KLHL29: variants seen among roughly 807,000 people sequenced by gnomAD.
KLHL29 encodes the protein kelch-like protein 29.
Under a neutral mutation model 80.4 loss-of-function variants are expected in KLHL29, and 21 were observed. The observed-to-expected ratio is 0.26, with a 90% CI of 0.19 to 0.38. The LOEUF (loss-of-function observed/expected upper bound fraction) is 0.38, where lower values mean the gene tolerates loss of function less well. Among genes scored for constraint, KLHL29 ranks in the 10% least tolerant of loss-of-function variants. KLHL29 has a pLI of 1.00. For missense variants in KLHL29, 867 were observed against 1,223.9 expected (o/e 0.71, Z 4.35); for synonymous variants, 511 against 526.8 (o/e 0.97, Z 0.41).
intron 2 of KLHL29, among the ~76,000 whole-genome samples, chr2:23,478,433 C>G (rs1448748911): frequency 6.6e-6 from 1 of 152,156 alleles, no homozygotes; most frequent in Admixed American, 6.5e-5. Context: ...TCACAGGGTC[C>G]TGTGTAACCT....
At chr2:23,704,414 C>T (rs567033433) in intron 13 of KLHL29, among the ~76,000 whole-genome samples, 9 of 152,318 alleles carry the variant, frequency 5.9e-5, no homozygotes, top group Non-Finnish European at 1.3e-4. Context: ...GGCAGCGAGA[C>T]ACCAGTCCCT....
At chr2:23,672,482 T>G (rs570786706) in intron 5 of KLHL29, 1 of 152,586 alleles carries the variant, frequency 6.6e-6, no homozygotes, top group Non-Finnish European at 1.5e-5. Flanking sequence ...ATGTGTCTGG[T>G]TCTCCACTGG....
At chr2:23,463,669 A>G (rs543981193) in intron 1 of KLHL29, among the ~76,000 whole-genome samples, 2 of 152,314 alleles carry the variant, frequency 1.3e-5, no homozygotes, top group East Asian at 1.9e-4. Context: ...ACTCTGACCA[A>G]CATCCTTCAC....
chr2:23,574,965 G>T (rs1667806582), intron 3 of KLHL29, among the ~76,000 whole-genome samples: 1 of 152,100 alleles, frequency 6.6e-6, no homozygotes. Flanking sequence ...TGGGAGGGTG[G>T]CCCAGCCCCC....
intron 2 of KLHL29, among the ~76,000 whole-genome samples, chr2:23,514,895 C>T (rs1441761423): frequency 1.3e-5 from 2 of 152,218 alleles, no homozygotes; most frequent in African/African-American, 4.8e-5. Flanking sequence ...ACCCATCCTT[C>T]CAGTTCCTGC....
intron 3 of KLHL29, among the ~76,000 whole-genome samples, chr2:23,590,446 G>T (rs1471581386): frequency 1.3e-5 from 2 of 152,146 alleles, no homozygotes; most frequent in African/African-American, 4.8e-5. Context: ...TGTAGGTTTT[G>T]TTTTTGCATC....
At chr2:23,481,777 C>T (rs1015045586) in intron 2 of KLHL29, among the ~76,000 whole-genome samples, 2 of 152,124 alleles carry the variant, frequency 1.3e-5, no homozygotes, top group Non-Finnish European at 2.9e-5. Flanking sequence ...ATCAGCCGGG[C>T]GTGGTGGCAC....
intron 5 of KLHL29, among the ~76,000 whole-genome samples, chr2:23,656,932 GAAAAAAAA>G (rs58320389): frequency 1.8e-5 from 2 of 110,100 alleles, no homozygotes; most frequent in African/African-American, 3.4e-5. Flanking sequence ...TCCCCAACAG[GAAAAAAAA>G]AAAAAAAAAA....
At chr2:23,594,176 CGCGTTG>C (rs1471100260) in intron 3 of KLHL29, among the ~76,000 whole-genome samples, 1 of 152,140 alleles carries the variant, frequency 6.6e-6, no homozygotes, top group Non-Finnish European at 1.5e-5. Flanking sequence ...CTCTGCCTGG[CGCGTTG>C]CCTTGTTTAC....
chr2:23,467,038 CCCTCTCCTGTCACTCAG>C (rs1220031963), intron 1 of KLHL29, among the ~76,000 whole-genome samples: 1 of 152,154 alleles, frequency 6.6e-6, no homozygotes, highest in Non-Finnish European at 1.5e-5. Flanking sequence ...TTGTCACTCA[CCCTCTCCTGTCACTCAG>C]CCTCTCCTGT....
At position 23,551,397 on chromosome 2, in the gene KLHL29, A is replaced by G. The variant is rs912505902; in HGVS notation, c.-45-10755A>G. On this transcript the variant is annotated intron_variant, in intron 2 of 13. Coordinates refer to ENST00000486442, the MANE Select transcript of KLHL29 (RefSeq NM_052920.2). ...CCACGGCCAGATTTTCTCAAAGCAA[A>G]GGTGCACATGGGAAGGGAGGGAAAT... Among the ~76,000 whole-genome samples, 39 of 152,120 alleles carry G rather than the reference A, an allele frequency of 2.6e-4. 1 individual carries two copies. The highest frequency in any genetic ancestry group is 6.3e-4 in the African/African-American group (26 of 41,448).
At chr2:23,430,538 C>G (rs1349232295) in intron 1 of KLHL29, among the ~76,000 whole-genome samples, 1 of 152,234 alleles carries the variant, frequency 6.6e-6, no homozygotes, top group Non-Finnish European at 1.5e-5. Context: ...CTGAGAAGGA[C>G]TCTCTGGGCC....
chr2:23,505,470 T>A (rs1665571923), intron 2 of KLHL29, among the ~76,000 whole-genome samples: 1 of 152,226 alleles, frequency 6.6e-6, no homozygotes, highest in Non-Finnish European at 1.5e-5. Context: ...GCTTCTCCCC[T>A]CTGTTCCTGC....
chr2:23,439,839 G>A (rs1305600728), intron 1 of KLHL29, among the ~76,000 whole-genome samples: 1 of 152,166 alleles, frequency 6.6e-6, no homozygotes, highest in Admixed American at 6.5e-5. Flanking sequence ...GCTTGGTGTA[G>A]AGCTGAGTAC....
Position 23,678,949 on chromosome 2 carries a change from C to T in KLHL29, c.941-5450C>T, listed in dbSNP as rs1018232159. Among the ~76,000 whole-genome samples the T allele has an allele frequency of 4.6e-5, 7 of 151,718 alleles. No homozygotes were observed. The East Asian group carries it at 5.8e-4, about 13-fold the overall frequency. ...GGTTGTTTAATGGGTGTGGAGTTTCCGTTTGTGAAGATGAAAAGGATTCCA... is the reference window on the plus strand; with the variant it reads ...GGTTGTTTAATGGGTGTGGAGTTTCTGTTTGTGAAGATGAAAAGGATTCCA... On this transcript the variant is annotated intron_variant, in intron 5 of 13. Transcript: ENST00000486442.
At chr2:23,422,049 TTGTG>T (rs1662827398) in intron 1 of KLHL29, among the ~76,000 whole-genome samples, 1 of 151,700 alleles carries the variant, frequency 6.6e-6, no homozygotes, top group African/African-American at 2.4e-5. Context: ...GTTCATGTGT[TTGTG>T]TGTCTCTGTG....
chr2:23,482,247 C>A (rs1398102519), intron 2 of KLHL29, among the ~76,000 whole-genome samples: 1 of 152,214 alleles, frequency 6.6e-6, no homozygotes, highest in Non-Finnish European at 1.5e-5. Flanking sequence ...AGCTACAGAA[C>A]CTTGTTTGGC....
At chr2:23,703,575 TAGGCC>T (rs1191732711) in intron 12 of KLHL29, 139 bp from the exon 13 acceptor site, 1 of 1,151,176 alleles carries the variant, frequency 8.7e-7, no homozygotes, top group African/African-American at 1.6e-5. Context: ...CAGGTTCCCC[TAGGCC>T]CCGGACCCAT....
rs1347059076 is a variant in KLHL29 at position 23,700,916 on chromosome 2, T to C, written c.2106-2270T>C. 1.3e-5 allele frequency among the ~76,000 whole-genome samples: 2 copies of C among 151,986 alleles called. No homozygotes were observed. The highest frequency in any genetic ancestry group is 2.9e-5 in the Non-Finnish European group (2 of 68,010). ...CAGCTCCCCTCTTAAAGACTACATT[T>C]CCCCAGTTTGTCCTCAGCCCCCATG... On this transcript the variant is annotated intron_variant, in intron 11 of 13. Coordinates refer to ENST00000486442, the MANE Select transcript of KLHL29 (RefSeq NM_052920.2). This position sits in a 1 kb window ranked among gnomAD's most constrained non-coding sequence, Gnocchi z 4.6.
Sources: gnomAD v4.1 joint callset for allele counts (sites outside exome capture counted in the v4.1 genomes callset) on GRCh38, gnomAD v4.1.1 for gene constraint, Gnocchi (gnomAD v3.1) non-coding constraint, MANE v1.5 for transcripts, NCBI Gene and HGNC (gene_info 2026-07-23, HGNC 2026-07-21) for gene names.